Variants in PARG observed in about 807,000 individuals in gnomAD.
PARG encodes poly(ADP-ribose) glycohydrolase.
PARG carries 35 observed loss-of-function variants against 113.0 expected under a neutral mutation model. The observed-to-expected ratio is 0.31, with a 90% CI of 0.24 to 0.41. The LOEUF (loss-of-function observed/expected upper bound fraction) is 0.41. Among genes scored for constraint, PARG ranks in the 10% least tolerant of loss-of-function variants. The pLI is 1.00. For synonymous variants in PARG, 330 were observed against 409.9 expected (o/e 0.81, Z 2.36); for missense variants, 797 against 1,169.4 (o/e 0.68, Z 4.64).
chr10:49,854,877 G>A (rs1845915713), intron 13 of PARG, among the ~76,000 whole-genome samples: 1 of 151,514 alleles, frequency 6.6e-6, no homozygotes, highest in South Asian at 2.1e-4. Flanking sequence ...GAACTGTGAT[G>A]AAAAGCGAAA....
intron 4 of PARG, among the ~76,000 whole-genome samples, chr10:49,927,815 A>G (rs3106114): frequency 6.6e-6 from 1 of 152,108 alleles, no homozygotes; most frequent in African/African-American, 2.4e-5. Context: ...AATTAGCCAC[A>G]TGTAGTGGCA....
intron 4 of PARG, among the ~76,000 whole-genome samples, chr10:49,927,886 T>C (rs1184770179): frequency 6.7e-6 from 1 of 148,586 alleles, no homozygotes; most frequent in Non-Finnish European, 1.5e-5. Flanking sequence ...AACCTAAGAG[T>C]TGGAGGCTGC....
chr10:49,842,598 TAAC>T (rs782116675), intron 14 of PARG, among the ~76,000 whole-genome samples: 2 of 152,180 alleles, frequency 1.3e-5, no homozygotes, highest in Non-Finnish European at 2.9e-5. Flanking sequence ...ATTTTTAAAA[TAAC>T]AAAGACATCA....
chr10:49,881,271 G>A (rs1554839440), intron 8 of PARG, among the ~76,000 whole-genome samples: 1 of 152,120 alleles, frequency 6.6e-6, no homozygotes, highest in Non-Finnish European at 1.5e-5. Context: ...TTGGGCACAT[G>A]TTCTCAGATC....
intron 7 of PARG, among the ~76,000 whole-genome samples, chr10:49,910,671 C>T (rs1837124202): frequency 6.6e-6 from 1 of 152,068 alleles, no homozygotes; most frequent in Non-Finnish European, 1.5e-5. Flanking sequence ...CACTAAAATC[C>T]TTAGGCTTCC....
intron 15 of PARG, 123 bp from the exon 16 acceptor site, chr10:49,833,031 T>C (rs1307852858): frequency 1.8e-5 from 9 of 504,008 alleles, no homozygotes; most frequent in Non-Finnish European, 2.8e-5. Flanking sequence ...TTTTTTTCCA[T>C]AGGGGCCAAA....
chr10:49,941,715 C>T lies in PARG; in HGVS notation c.11G>A (p.Gly4Asp), dbSNP rs1434394319. The T allele has an allele frequency of 4.7e-5, 74 of 1,577,442 alleles. No individual in the cohort carries two copies. Among genetic ancestry groups the T allele is most frequent in the Non-Finnish European group, 5.8e-5 (67 of 1,164,134 alleles). The change falls in exon 1 of 18, where the codon GGC (glycine) becomes GAC (aspartate). Residue 4 changes from glycine to aspartate, a missense_variant. Gly to Asp is a moderately conservative substitution (Grantham distance 94, BLOSUM62 -1). Coordinates refer to ENST00000616448, the MANE Select transcript of PARG (RefSeq NM_003631.5). The part of the protein sequence containing the change: MNA[G>D]PGCEPCTKRP... ...CTTGGTGCAGGGTTCACAGCCGGGGCCCGCATTCATGCTGGGACCAGCAGC... is the reference window on the plus strand; with the variant it reads ...CTTGGTGCAGGGTTCACAGCCGGGGTCCGCATTCATGCTGGGACCAGCAGC...
At chr10:49,866,111 T>A (rs1383866553) in intron 10 of PARG, among the ~76,000 whole-genome samples, 1 of 151,430 alleles carries the variant, frequency 6.6e-6, no homozygotes, top group Non-Finnish European at 1.5e-5. Context: ...GAGGATGAGA[T>A]CCTTTTCTAG....
At chr10:49,820,339 C>G in intron 16 of PARG, 46 bp from the exon 17 acceptor site, 1 of 1,445,474 alleles carries the variant, frequency 6.9e-7, no homozygotes, top group Non-Finnish European at 9.4e-7. Flanking sequence ...CATTTTCCAC[C>G]TAGATACCTT....
At chr10:49,898,574 C>G (rs1184994544) in intron 7 of PARG, among the ~76,000 whole-genome samples, 1 of 150,250 alleles carries the variant, frequency 6.7e-6, no homozygotes, top group Non-Finnish European at 1.5e-5. Flanking sequence ...CTTTTCAATA[C>G]AGAACAAATC....
At chr10:49,836,883 T>G (rs1383026967) in intron 15 of PARG, among the ~76,000 whole-genome samples, 2 of 152,172 alleles carry the variant, frequency 1.3e-5, no homozygotes, top group Non-Finnish European at 1.5e-5. Context: ...TTCAGAAAGC[T>G]CCACAAAACA....
At chr10:49,848,306 G>A (rs565750977) in intron 13 of PARG, among the ~76,000 whole-genome samples, 94 of 148,948 alleles carry the variant, frequency 6.3e-4, no homozygotes, top group Middle Eastern at 3.4e-3. Flanking sequence ...CTGAGATTGC[G>A]CCACTGCACT....
intron 6 of PARG, among the ~76,000 whole-genome samples, chr10:49,920,433 C>G (rs1351932484): frequency 1.8e-5 from 2 of 108,954 alleles, no homozygotes; most frequent in Non-Finnish European, 3.7e-5. Context: ...GGTGATGGAG[C>G]AAGACCCAGC....
intron 10 of PARG, among the ~76,000 whole-genome samples, chr10:49,868,201 C>T (rs1243608655): frequency 1.3e-5 from 2 of 152,184 alleles, no homozygotes; most frequent in Non-Finnish European, 2.9e-5. Flanking sequence ...CTTGGCCACG[C>T]TGGTCTGGAA....
rs369401318 is a variant in PARG, at chr10:49,856,185, CTT to C, written c.2353+1119_2353+1120del. Among the ~76,000 whole-genome samples, 653 of 145,482 alleles carry C rather than the reference CTT, an allele frequency of 4.5e-3. 3 individuals are homozygous for C. The highest frequency in any genetic ancestry group is 7.3e-3 in the Middle Eastern group (2 of 274). Reference sequence around the variant, plus strand: ...AAGAAGAAACACCAAGATAATCAGACTTTTTTTTTTTTGAGATGGAGTCTTGC... The same window carrying C: ...AAGAAGAAACACCAAGATAATCAGACTTTTTTTTTTGAGATGGAGTCTTGC... On this transcript the variant is annotated intron_variant, in intron 13 of 17. Coordinates refer to ENST00000616448, the MANE Select transcript of PARG (RefSeq NM_003631.5).
intron 16 of PARG, among the ~76,000 whole-genome samples, chr10:49,821,675 T>C (rs1425250256): frequency 6.6e-6 from 1 of 152,226 alleles, no homozygotes; most frequent in Non-Finnish European, 1.5e-5. Context: ...CCAATGTGCC[T>C]GGCCAAAGAG....
intron 13 of PARG, among the ~76,000 whole-genome samples, chr10:49,848,813 G>A (rs1372961133): frequency 6.6e-6 from 1 of 152,002 alleles, no homozygotes; most frequent in Non-Finnish European, 1.5e-5. Context: ...AAATGCTTAC[G>A]GATAAATCTG....
At chr10:49,891,621 ATATTTTTT>A (rs1213499196) in intron 7 of PARG, among the ~76,000 whole-genome samples, 379 of 42,994 alleles carry the variant, frequency 8.8e-3, no homozygotes, top group South Asian at 0.026. Context: ...ATATATATAT[ATATTTTTT>A]TTTTTTTTTT....
At chr10:49,900,793 T>C (rs1324200071) in intron 7 of PARG, among the ~76,000 whole-genome samples, 2 of 151,640 alleles carry the variant, frequency 1.3e-5, no homozygotes, top group Non-Finnish European at 2.9e-5. Flanking sequence ...TACGACTACA[T>C]GGCCATATCC....
Sources: allele counts gnomAD v4.1 joint callset (sites outside exome capture counted in the v4.1 genomes callset), GRCh38; gene constraint gnomAD v4.1.1; transcripts MANE v1.5; gene names NCBI Gene and HGNC (gene_info 2026-07-23, HGNC 2026-07-21).